CNTNAP2: variants seen among roughly 807,000 people sequenced by gnomAD.
CNTNAP2 encodes the protein contactin associated protein 2, also known as contactin-associated protein-like 2.
In CNTNAP2, 98 loss-of-function variants were observed where a neutral mutation model predicts 155.2. The observed-to-expected ratio is 0.63, with a 90% CI of 0.54 to 0.75. The LOEUF (loss-of-function observed/expected upper bound fraction) is 0.75, where lower values mean the gene tolerates loss of function less well. Among genes scored for constraint, CNTNAP2 ranks in the 30% least tolerant of loss-of-function variants. The probability of loss-of-function intolerance (pLI) is 0.00; values close to 1 mark genes in which losing one functional copy is unlikely to be tolerated. For synonymous variants in CNTNAP2, 651 were observed against 631.2 expected (o/e 1.03, Z -0.47); for missense variants, 1,727 against 1,688.1 (o/e 1.02, Z -0.40).
chr7:147,919,622 C>T (rs1419718980), intron 14 of CNTNAP2, among the ~76,000 whole-genome samples: 3 of 151,572 alleles, frequency 2.0e-5, no homozygotes, highest in Non-Finnish European at 4.4e-5. Context: ...CCACGCCTGG[C>T]TAATTTTTTG....
chr7:147,732,344 A>G (rs1320544083), intron 13 of CNTNAP2, among the ~76,000 whole-genome samples: 1 of 152,150 alleles, frequency 6.6e-6, no homozygotes, highest in Non-Finnish European at 1.5e-5. Context: ...AGCTTCATCC[A>G]TGTCCCTACA....
At chr7:146,670,621 C>T (rs1800286431) in intron 1 of CNTNAP2, among the ~76,000 whole-genome samples, 1 of 152,124 alleles carries the variant, frequency 6.6e-6, no homozygotes, top group African/African-American at 2.4e-5. Context: ...TTAATGTATT[C>T]CTCAGAATGA....
chr7:146,463,921 A>G (rs1264227286), intron 1 of CNTNAP2, among the ~76,000 whole-genome samples: 2 of 151,808 alleles, frequency 1.3e-5, no homozygotes, highest in Admixed American at 1.3e-4. Flanking sequence ...GGTGTGGATC[A>G]CTATTTTAGG....
At chr7:147,541,986 C>T (rs1799648555) in intron 11 of CNTNAP2, among the ~76,000 whole-genome samples, 1 of 152,138 alleles carries the variant, frequency 6.6e-6, no homozygotes, top group African/African-American at 2.4e-5. Context: ...CCTTATGAAG[C>T]TTTTTCAGAA....
chr7:147,181,768 A>C (rs1802460251), intron 8 of CNTNAP2, among the ~76,000 whole-genome samples: 1 of 152,214 alleles, frequency 6.6e-6, no homozygotes, highest in African/African-American at 2.4e-5. Flanking sequence ...TCTTTATAGA[A>C]GAATTTAAAG....
At chr7:146,949,246 G>C (rs1015101589) in intron 3 of CNTNAP2, among the ~76,000 whole-genome samples, 1 of 152,184 alleles carries the variant, frequency 6.6e-6, no homozygotes, top group Non-Finnish European at 1.5e-5. Flanking sequence ...AAGATAGATA[G>C]GATAAATGAA....
At chr7:146,744,607 T>G (rs1287098748) in intron 1 of CNTNAP2, among the ~76,000 whole-genome samples, 1 of 152,202 alleles carries the variant, frequency 6.6e-6, no homozygotes, top group Non-Finnish European at 1.5e-5. Flanking sequence ...GTCAAAACTC[T>G]TAAGCTGCCA....
At chr7:147,283,121 T>C (rs984574462) in intron 8 of CNTNAP2, among the ~76,000 whole-genome samples, 3 of 151,910 alleles carry the variant, frequency 2.0e-5, no homozygotes, top group Non-Finnish European at 4.4e-5. Flanking sequence ...TACAACTATA[T>C]GCATATTTCA....
chr7:148,109,773 T>A (rs1020993484), intron 15 of CNTNAP2, among the ~76,000 whole-genome samples: 1 of 152,232 alleles, frequency 6.6e-6, no homozygotes, highest in East Asian at 1.9e-4. Context: ...GTAAGCTATA[T>A]GTCTATGAGT....
intron 1 of CNTNAP2, among the ~76,000 whole-genome samples, chr7:146,456,865 A>C (rs1231443799): frequency 6.6e-6 from 1 of 152,232 alleles, no homozygotes; most frequent in Non-Finnish European, 1.5e-5. Flanking sequence ...TTAATGGGAT[A>C]GAGAACAGAT....
chr7:147,612,029 C>T (rs1379089670), intron 12 of CNTNAP2, among the ~76,000 whole-genome samples: 5 of 152,146 alleles, frequency 3.3e-5, no homozygotes, highest in Non-Finnish European at 5.9e-5. Context: ...ACTTATCCAC[C>T]GGGAAGACAG....
chr7:146,128,080 A>G (rs1012647594), intron 1 of CNTNAP2, among the ~76,000 whole-genome samples: 11 of 152,174 alleles, frequency 7.2e-5, no homozygotes, highest in Non-Finnish European at 1.2e-4. Flanking sequence ...TTCAAATTTT[A>G]TATTCTTCAC....
Position 147,043,888 on chromosome 7 carries a change from AT to A in CNTNAP2, c.403-18del. 1 of 1,614,018 alleles carries A rather than the reference AT, an allele frequency of 6.2e-7. No individual in the cohort carries two copies. The highest frequency in any genetic ancestry group is 8.5e-7 in the Non-Finnish European group (1 of 1,179,904). ...TAAAGTATTTTTCCCAATTTTTAAA[AT>A]ACTATTTCCTTTTCCAGGCATTTCC... On this transcript the variant is annotated intron_variant, in intron 3 of 23. Transcript: ENST00000361727.
At chr7:147,397,649 A>G (rs745577696) in intron 10 of CNTNAP2, among the ~76,000 whole-genome samples, 1 of 152,046 alleles carries the variant, frequency 6.6e-6, no homozygotes, top group Non-Finnish European at 1.5e-5. Flanking sequence ...AAAAGAATGA[A>G]TGGGATTTTG....
rs1421250525 is a variant in CNTNAP2 at position 146,422,307 on chromosome 7, A to G, written c.97+305334A>G. On this transcript the variant is annotated intron_variant, in intron 1 of 23. Coordinates refer to ENST00000361727, the MANE Select transcript of CNTNAP2 (RefSeq NM_014141.6). Reference sequence around the variant, plus strand: ...CTTATTCTTATGTAAGAATACATATATAAGAATATATACATAAGAATATAT... The same window carrying G: ...CTTATTCTTATGTAAGAATACATATGTAAGAATATATACATAAGAATATAT... Among the ~76,000 whole-genome samples the G allele has an allele frequency of 2.0e-5, 3 of 150,190 alleles. No homozygotes were observed. The Admixed American group carries it at 2.0e-4, about 10-fold the overall frequency.
chr7:146,146,240 C>G (rs914864227), intron 1 of CNTNAP2, among the ~76,000 whole-genome samples: 2 of 151,936 alleles, frequency 1.3e-5, no homozygotes, highest in African/African-American at 4.8e-5. Context: ...TTTTATTATG[C>G]AAACATCACA....
At chr7:147,040,892 T>C (rs1460616876) in intron 3 of CNTNAP2, among the ~76,000 whole-genome samples, 1 of 152,206 alleles carries the variant, frequency 6.6e-6, no homozygotes, top group Non-Finnish European at 1.5e-5. Flanking sequence ...CTGTCACCAA[T>C]GCCTGCACAC....
At chr7:146,788,165 G>A (rs1441275033) in intron 2 of CNTNAP2, among the ~76,000 whole-genome samples, 5 of 152,114 alleles carry the variant, frequency 3.3e-5, no homozygotes, top group African/African-American at 7.2e-5. Context: ...GGCGCGGGCT[G>A]GCCACCAAGC....
intron 1 of CNTNAP2, among the ~76,000 whole-genome samples, chr7:146,314,590 T>C (rs1800878258): frequency 6.6e-6 from 1 of 152,152 alleles, no homozygotes; most frequent in Non-Finnish European, 1.5e-5. Context: ...AGTCACCTTT[T>C]GTTCCCTGTG....
Sources: allele counts gnomAD v4.1 joint callset (sites outside exome capture counted in the v4.1 genomes callset), GRCh38; gene constraint gnomAD v4.1.1; transcripts MANE v1.5; gene names NCBI Gene and HGNC (gene_info 2026-07-23, HGNC 2026-07-21).